The following KCNIP1 variants were observed in gnomAD, a reference collection of about 807,000 sequenced individuals.
KCNIP1 encodes potassium voltage-gated channel interacting protein 1.
A neutral mutation model predicts 33.0 loss-of-function variants in KCNIP1; 18 were observed. The ratio of observed to expected loss-of-function variants is 0.55; its 90% CI spans 0.38 to 0.81. KCNIP1 has a LOEUF of 0.81. Ranked by LOEUF, KCNIP1 falls within the 30% of genes least tolerant of loss-of-function variation. The probability of loss-of-function intolerance (pLI) is 0.00; values close to 1 mark genes in which losing one functional copy is unlikely to be tolerated. For synonymous variants in KCNIP1, 93 were observed against 98.3 expected (o/e 0.95, Z 0.32); for missense variants, 238 against 271.6 (o/e 0.88, Z 0.87).
chr5:170,408,722 CT>C (rs1408710560), intron 1 of KCNIP1, among the ~76,000 whole-genome samples: 1 of 152,180 alleles, frequency 6.6e-6, no homozygotes, highest in African/African-American at 2.4e-5. Context: ...TAAATACCCC[CT>C]GGCTTCTTGA....
intron 1 of KCNIP1, among the ~76,000 whole-genome samples, chr5:170,595,708 C>T (rs528251941): frequency 2.8e-4 from 43 of 152,326 alleles, no homozygotes; most frequent in South Asian, 1.7e-3. Flanking sequence ...TCCCATTTTA[C>T]AGAGGGCAAG....
chr5:170,467,210 G>A (rs1352016749), intron 1 of KCNIP1, among the ~76,000 whole-genome samples: 1 of 152,130 alleles, frequency 6.6e-6, no homozygotes, highest in African/African-American at 2.4e-5. Flanking sequence ...GAGGTAGACA[G>A]GAAAGTGACT....
At chr5:170,470,797 G>C (rs1289863927) in intron 1 of KCNIP1, among the ~76,000 whole-genome samples, 8 of 152,190 alleles carry the variant, frequency 5.3e-5, no homozygotes, top group Non-Finnish European at 1.2e-4. Flanking sequence ...TTTGGTGTAG[G>C]CAGAAAAGAA....
intron 1 of KCNIP1, among the ~76,000 whole-genome samples, chr5:170,672,212 G>C (rs1761953461): frequency 6.6e-6 from 1 of 152,248 alleles, no homozygotes; most frequent in Non-Finnish European, 1.5e-5. Flanking sequence ...TGAGGACATG[G>C]GGCTATGAGA....
At chr5:170,485,106 A>T (rs937053744) in intron 1 of KCNIP1, among the ~76,000 whole-genome samples, 1 of 151,708 alleles carries the variant, frequency 6.6e-6, no homozygotes, top group African/African-American at 2.4e-5. Flanking sequence ...ACGCCCGGCT[A>T]ATTTTGTATT....
rs879333465 is a variant in KCNIP1 at position 170,520,095 on chromosome 5, T to C, written c.61+15462T>C. Among the ~76,000 whole-genome samples the C allele has an allele frequency of 2.0e-4, 30 of 152,294 alleles. No individual in the cohort carries two copies. In the Middle Eastern group the frequency reaches 0.014, roughly 69 times the overall value. ...CAGGAGGAGTTCCTTAAAGGGTGTT[T>C]GGTGTGTGCATGTGTGTAGAGGGAT... On this transcript the variant is annotated intron_variant, in intron 1 of 7. Coordinates refer to ENST00000328939, the MANE Select transcript of KCNIP1 (RefSeq NM_014592.4).
At chr5:170,444,706 A>AG (rs932469107) in intron 1 of KCNIP1, among the ~76,000 whole-genome samples, 1 of 151,822 alleles carries the variant, frequency 6.6e-6, no homozygotes, top group Non-Finnish European at 1.5e-5. Context: ...TTTTAAAAAA[A>AG]AAAAAAAACC....
intron 1 of KCNIP1, among the ~76,000 whole-genome samples, chr5:170,485,399 C>A (rs1757066812): frequency 6.6e-6 from 1 of 152,208 alleles, no homozygotes; most frequent in Non-Finnish European, 1.5e-5. Context: ...CAAACTCAAG[C>A]CCACAGAGCC....
At chr5:170,556,083 C>T (rs1030560271) in intron 1 of KCNIP1, among the ~76,000 whole-genome samples, 3 of 152,286 alleles carry the variant, frequency 2.0e-5, no homozygotes, top group Non-Finnish European at 2.9e-5. Flanking sequence ...AAAATATGTA[C>T]GAGGCACGGG....
At chr5:170,665,066 C>T (rs537566263) in intron 1 of KCNIP1, among the ~76,000 whole-genome samples, 14 of 152,218 alleles carry the variant, frequency 9.2e-5, no homozygotes, top group South Asian at 6.2e-4. Context: ...ATACACAGCG[C>T]GGGGAATGGA....
intron 1 of KCNIP1, among the ~76,000 whole-genome samples, chr5:170,449,573 G>A (rs1463107914): frequency 2.0e-5 from 3 of 152,202 alleles, no homozygotes; most frequent in African/African-American, 7.2e-5. Flanking sequence ...CTGTGCTTCA[G>A]TTTCCTCACC....
intron 1 of KCNIP1, among the ~76,000 whole-genome samples, chr5:170,682,052 C>T (rs756646773): frequency 6.6e-6 from 1 of 152,188 alleles, no homozygotes; most frequent in Non-Finnish European, 1.5e-5. Context: ...GACAGAATTT[C>T]TCTTCCAAGG....
At chr5:170,551,867 A>AGTGT (rs35691232) in intron 1 of KCNIP1, among the ~76,000 whole-genome samples, 11 of 149,196 alleles carry the variant, frequency 7.4e-5, no homozygotes, top group African/African-American at 2.0e-4. Flanking sequence ...TGTGTGTTTG[A>AGTGT]GTGTGTGTGT....
At chr5:170,446,661 G>A (rs1756124246) in intron 1 of KCNIP1, among the ~76,000 whole-genome samples, 1 of 152,080 alleles carries the variant, frequency 6.6e-6, no homozygotes. Flanking sequence ...ATCCTGATCT[G>A]GAACTCCTGG....
chr5:170,674,746 G>C (rs1762063482), intron 1 of KCNIP1, among the ~76,000 whole-genome samples: 1 of 152,148 alleles, frequency 6.6e-6, no homozygotes, highest in Non-Finnish European at 1.5e-5. Flanking sequence ...CGAGGGTTTT[G>C]TAAAATGCCA....
chr5:170,665,267 C>T lies in KCNIP1; in HGVS notation c.62-53491C>T, dbSNP rs1046733796. Reference sequence around the variant, plus strand: ...GAGGCCCCTGTGGGATTTGGGAAGGCCAGTTAGATACAATAACTTTGTCCC... The same window carrying T: ...GAGGCCCCTGTGGGATTTGGGAAGGTCAGTTAGATACAATAACTTTGTCCC... On this transcript the variant is annotated intron_variant, in intron 1 of 7. Coordinates refer to ENST00000328939, the MANE Select transcript of KCNIP1 (RefSeq NM_014592.4). Among the ~76,000 whole-genome samples the T allele has an allele frequency of 2.6e-5, 4 of 152,094 alleles. No individual in the cohort carries two copies. The East Asian group carries it at 5.8e-4, about 22-fold the overall frequency.
intron 5 of KCNIP1, among the ~76,000 whole-genome samples, chr5:170,731,805 A>T (rs1764211881): frequency 1.1e-5 from 1 of 89,938 alleles, no homozygotes; most frequent in Non-Finnish European, 2.1e-5. Flanking sequence ...AGGGAAAAAA[A>T]TATTAGTTGA....
intron 1 of KCNIP1, among the ~76,000 whole-genome samples, chr5:170,617,273 G>C (rs571266857): frequency 6.6e-6 from 1 of 152,016 alleles, no homozygotes; most frequent in South Asian, 2.1e-4. Context: ...AGGAGAGAAG[G>C]CATGAAGGCA....
rs1756387656 is a variant in KCNIP1, at chr5:170,545,765, ATTCTCT to A, written c.61+41135_61+41140del. Among the ~76,000 whole-genome samples the A allele has an allele frequency of 3.3e-5, 5 of 151,694 alleles. No homozygotes were observed. The South Asian group carries it at 8.4e-4, about 25-fold the overall frequency. ...GTTCATTTTGCCCATCTTTTTCTCT[ATTCTCT>A]TTAACAGAATAACCATAGTCAAAGT... On this transcript the variant is annotated intron_variant, in intron 1 of 7. Coordinates refer to ENST00000328939, the MANE Select transcript of KCNIP1 (RefSeq NM_014592.4).
Sources: allele counts gnomAD v4.1 joint callset (sites outside exome capture counted in the v4.1 genomes callset), GRCh38; gene constraint gnomAD v4.1.1; transcripts MANE v1.5; gene names NCBI Gene and HGNC (gene_info 2026-07-23, HGNC 2026-07-21).